Variants in RASAL2 observed in about 807,000 individuals in gnomAD.
The protein encoded by RASAL2 is RAS protein activator like 2.
A neutral mutation model predicts 128.9 loss-of-function variants in RASAL2; 58 were observed. The observed-to-expected ratio is 0.45, with a 90% confidence interval of 0.36 to 0.56. RASAL2 has a LOEUF of 0.56. RASAL2 is among the 20% of genes least tolerant of loss of function. The probability of loss-of-function intolerance (pLI) is 0.00; values close to 1 mark genes in which losing one functional copy is unlikely to be tolerated. For missense variants in RASAL2, 1,360 were observed against 1,601.6 expected, an observed-to-expected ratio of 0.85 and a Z score of 2.57; for synonymous variants, 561 against 580.8, an observed-to-expected ratio of 0.97 and a Z score of 0.49.
intron 3 of RASAL2, among the ~76,000 whole-genome samples, chr1:178,343,353 A>G (rs1020537422): frequency 6.6e-6 from 1 of 152,224 alleles, no homozygotes; most frequent in Non-Finnish European, 1.5e-5. Flanking sequence ...TGGAGAATCC[A>G]TTATTTAAGC....
chr1:178,460,188 A>T (rs973298307), intron 14 of RASAL2, among the ~76,000 whole-genome samples: 1 of 152,226 alleles, frequency 6.6e-6, no homozygotes, highest in Non-Finnish European at 1.5e-5. Flanking sequence ...ATAAAATAGG[A>T]TTAGCGAAGA....
At chr1:178,199,676 A>G (rs1214380838) in intron 1 of RASAL2, among the ~76,000 whole-genome samples, 1 of 151,392 alleles carries the variant, frequency 6.6e-6, no homozygotes, top group East Asian at 1.9e-4. Context: ...ATGACAACCA[A>G]TCTTCTGTGT....
rs61682167 is a variant in RASAL2, at chr1:178,434,751, CT to C, written c.675-4660del. On this transcript the variant is annotated intron_variant, in intron 5 of 17. Transcript: ENST00000367649. ...AGCTCTGGCGAATGAGCTCTAATTTCTTTTTTTTTTTAATCCAGGGAGGAAA... is the reference window on the plus strand; with the variant it reads ...AGCTCTGGCGAATGAGCTCTAATTTCTTTTTTTTTTAATCCAGGGAGGAAA... Among the ~76,000 whole-genome samples, 182 of 145,092 alleles carry C rather than the reference CT, an allele frequency of 1.3e-3. 1 individual carries two copies. The highest frequency in any genetic ancestry group is 1.8e-3 in the African/African-American group (72 of 39,890).
At chr1:178,169,479 T>G (rs1366245257) in intron 1 of RASAL2, among the ~76,000 whole-genome samples, 2 of 152,164 alleles carry the variant, frequency 1.3e-5, no homozygotes, top group African/African-American at 2.4e-5. Flanking sequence ...TCATTACAAT[T>G]GACACTAATT....
At chr1:178,471,951 AC>A (rs1349501209) in intron 17 of RASAL2, among the ~76,000 whole-genome samples, 2 of 151,684 alleles carry the variant, frequency 1.3e-5, no homozygotes, top group Non-Finnish European at 2.9e-5. Flanking sequence ...AATTTTAAAA[AC>A]CCCTAAGGTA....
chr1:178,334,912 G>A (rs936277245), intron 3 of RASAL2, among the ~76,000 whole-genome samples: 1 of 151,954 alleles, frequency 6.6e-6, no homozygotes, highest in Non-Finnish European at 1.5e-5. Flanking sequence ...AGCTGAGATT[G>A]CGCCACTGCA....
intron 5 of RASAL2, among the ~76,000 whole-genome samples, chr1:178,427,609 T>G (rs1285905931): frequency 6.6e-6 from 1 of 152,114 alleles, no homozygotes; most frequent in Non-Finnish European, 1.5e-5. Context: ...TGAAATTATA[T>G]AAAGAAAGTT....
chr1:178,136,037 T>C (rs1660313590), intron 1 of RASAL2, among the ~76,000 whole-genome samples: 1 of 152,190 alleles, frequency 6.6e-6, no homozygotes, highest in African/African-American at 2.4e-5. Context: ...ATGAACTCTT[T>C]GGGTCTGTAG....
intron 1 of RASAL2, among the ~76,000 whole-genome samples, chr1:178,126,187 T>G (rs755098011): frequency 2.0e-5 from 3 of 152,190 alleles, no homozygotes; most frequent in Non-Finnish European, 4.4e-5. Flanking sequence ...CCTGGTGATA[T>G]GGCTGTGGAG....
chr1:178,348,805 GT>G (rs35150239), intron 3 of RASAL2, among the ~76,000 whole-genome samples: 98 of 140,636 alleles, frequency 7.0e-4, no homozygotes, highest in Non-Finnish European at 8.2e-4. Flanking sequence ...TTTCTTTTTG[GT>G]TTTTTTTTTT....
At chr1:178,219,707 G>A (rs1019539338) in intron 1 of RASAL2, among the ~76,000 whole-genome samples, 13 of 151,902 alleles carry the variant, frequency 8.6e-5, no homozygotes, top group Admixed American at 7.2e-4. Flanking sequence ...GCTGTTTGGT[G>A]TAAGAGGCCT....
intron 1 of RASAL2, among the ~76,000 whole-genome samples, chr1:178,125,804 C>T (rs1254593453): frequency 6.6e-6 from 1 of 152,096 alleles, no homozygotes; most frequent in Non-Finnish European, 1.5e-5. Context: ...TTGCGTAAGA[C>T]ATCTTGAAGA....
At chr1:178,294,291 C>T (rs1667399922) in intron 2 of RASAL2, among the ~76,000 whole-genome samples, 1 of 152,128 alleles carries the variant, frequency 6.6e-6, no homozygotes, top group South Asian at 2.1e-4. Flanking sequence ...CTTCCCCCCA[C>T]CCCCACATAC....
intron 5 of RASAL2, among the ~76,000 whole-genome samples, chr1:178,426,588 A>G (rs762464456): frequency 6.6e-6 from 1 of 152,124 alleles, no homozygotes; most frequent in Middle Eastern, 3.2e-3. Context: ...TCATCGTGAC[A>G]TATCTGAATG....
At chr1:178,183,760 A>T (rs1662197086) in intron 1 of RASAL2, among the ~76,000 whole-genome samples, 1 of 152,200 alleles carries the variant, frequency 6.6e-6, no homozygotes, top group Non-Finnish European at 1.5e-5. Context: ...TAAAGTTGGT[A>T]TAAAATACAT....
intron 3 of RASAL2, among the ~76,000 whole-genome samples, chr1:178,365,446 G>A (rs1237998380): frequency 6.6e-6 from 1 of 150,818 alleles, no homozygotes; most frequent in East Asian, 1.9e-4. Context: ...GTTATGTTAT[G>A]TTATGTTATG....
chr1:178,344,579 GTGTT>G (rs1374131546), intron 3 of RASAL2, among the ~76,000 whole-genome samples: 1 of 152,308 alleles, frequency 6.6e-6, no homozygotes, highest in Middle Eastern at 3.4e-3. Context: ...AAGAGGAAAA[GTGTT>G]TGTTACAGAC....
intron 1 of RASAL2, among the ~76,000 whole-genome samples, chr1:178,152,540 C>T (rs931403472): frequency 2.0e-5 from 3 of 152,072 alleles, no homozygotes; most frequent in African/African-American, 7.2e-5. Context: ...TGGCGGGCAC[C>T]TGTAGTCCCA....
chr1:178,334,054 T>C (rs2102380294), intron 3 of RASAL2, among the ~76,000 whole-genome samples: 1 of 152,356 alleles, frequency 6.6e-6, no homozygotes, highest in African/African-American at 2.4e-5. Flanking sequence ...GAATTGATCA[T>C]GAATTGATTA....
Sources: gnomAD v4.1 joint callset for allele counts (sites outside exome capture counted in the v4.1 genomes callset) on GRCh38, gnomAD v4.1.1 for gene constraint, MANE v1.5 for transcripts, NCBI Gene and HGNC (gene_info 2026-07-23, HGNC 2026-07-21) for gene names.